DCDC2: variants seen among roughly 807,000 people sequenced by gnomAD.
The protein encoded by DCDC2 is doublecortin domain-containing protein 2.
In DCDC2, 40 loss-of-function variants were observed where a neutral mutation model predicts 50.2. The observed-to-expected ratio is 0.80, with a 90% CI of 0.62 to 1.04. The LOEUF (loss-of-function observed/expected upper bound fraction) is 1.04, where lower values mean the gene tolerates loss of function less well. DCDC2 is among the 50% of genes least tolerant of loss of function. DCDC2 has a pLI of 0.00. For missense variants in DCDC2, 570 were observed against 581.9 expected, an observed-to-expected ratio of 0.98 and a Z score of 0.21; for synonymous variants, 234 against 210.6, an observed-to-expected ratio of 1.11 and a Z score of -0.96.
intron 7 of DCDC2, among the ~76,000 whole-genome samples, chr6:24,228,097 TAGC>T (rs1397226686): frequency 6.6e-6 from 1 of 152,194 alleles, no homozygotes; most frequent in Non-Finnish European, 1.5e-5. Flanking sequence ...CAAACACACA[TAGC>T]AGCAGATGAG....
chr6:24,267,301 A>T (rs958109809), intron 7 of DCDC2, among the ~76,000 whole-genome samples: 1 of 152,188 alleles, frequency 6.6e-6, no homozygotes, highest in Non-Finnish European at 1.5e-5. Flanking sequence ...AAAAGGGTAT[A>T]ATTGGAGTGT....
chr6:24,357,899 C>T lies in DCDC2; in HGVS notation c.-149G>A. ...CCACAGGTGAAAGAGAAGTAACGGC[C>T]GTGCGCCTAGGCGTCCACCCAGAGG... On this transcript the variant is annotated 5_prime_UTR_variant, in exon 1 of 10. Coordinates refer to ENST00000378454, the MANE Select transcript of DCDC2 (RefSeq NM_016356.5). 1 of 1,539,524 alleles carries T rather than the reference C, an allele frequency of 6.5e-7. No homozygotes were observed. The highest frequency in any genetic ancestry group is 8.7e-7 in the Non-Finnish European group (1 of 1,143,402).
the DCDC2 span, among the ~76,000 whole-genome samples, chr6:24,380,103 T>C: frequency 6.6e-6 from 1 of 151,918 alleles, no homozygotes; most frequent in Non-Finnish European, 1.5e-5. Flanking sequence ...GATGGGTTGA[T>C]GGGTGCAGCA....
In DCDC2 at chr6:24,331,600, C is replaced by T. The variant is rs571322695; in HGVS notation, c.348+21969G>A. 6.3e-4 allele frequency among the ~76,000 whole-genome samples: 96 copies of T among 152,096 alleles called. No individual in the cohort carries two copies. The South Asian group carries it at 0.016, about 25-fold the overall frequency. The stretch of plus-strand genomic sequence containing the variant: ...TATATCTAAATAGATATTTGAATCT[C>T]GTCAGAAATATTTGGATATACTCAG... On this transcript the variant is annotated intron_variant, in intron 2 of 9. Transcript: ENST00000378454.
At position 24,329,100 on chromosome 6, in the gene DCDC2, C is replaced by T. The variant is rs190953876; in HGVS notation, c.348+24469G>A. Among the ~76,000 whole-genome samples, 506 of 152,170 alleles carry T rather than the reference C, an allele frequency of 3.3e-3. 2 individuals are homozygous for T. Among genetic ancestry groups the T allele is most frequent in the African/African-American group, 0.011 (476 of 41,520 alleles). On this transcript the variant is annotated intron_variant, in intron 2 of 9. Coordinates refer to ENST00000378454, the MANE Select transcript of DCDC2 (RefSeq NM_016356.5). The stretch of plus-strand genomic sequence containing the variant: ...CATGCCATCTCTCAATGATAAACAA[C>T]GCAAAACAGAAGCATTTAGGTAAAA...
intron 7 of DCDC2, among the ~76,000 whole-genome samples, chr6:24,242,775 A>G (rs1232325626): frequency 6.6e-6 from 1 of 152,160 alleles, no homozygotes; most frequent in East Asian, 1.9e-4. Flanking sequence ...CAGCCTGGCC[A>G]ACATAACAAA....
chr6:24,211,054 T>A (rs1483644159), intron 7 of DCDC2, among the ~76,000 whole-genome samples: 1 of 152,202 alleles, frequency 6.6e-6, no homozygotes, highest in East Asian at 1.9e-4. Context: ...TCATTCATAG[T>A]GCCCTGGTTT....
rs1031207741 is a variant in DCDC2, at chr6:24,172,825, T to G, written c.*1905A>C. 6.6e-6 allele frequency: 1 copy of G among 151,746 alleles called. No individual in the cohort carries two copies. The highest frequency in any genetic ancestry group is 1.5e-5 in the Non-Finnish European group (1 of 67,970). 9.4% of individuals were successfully genotyped at this position (151,746 alleles called of 1,614,324 possible). On this transcript the variant is annotated 3_prime_UTR_variant, in exon 10 of 10. Coordinates refer to ENST00000378454, the MANE Select transcript of DCDC2 (RefSeq NM_016356.5). ...CCTGGCCAACATGGTGAAACATCTG[T>G]CTCTACAAAAAATACAAAAATTAGC...
Position 24,219,880 on chromosome 6 carries a change from G to A in DCDC2, c.923-14778C>T, listed in dbSNP as rs150697386. Among the ~76,000 whole-genome samples, 66 of 152,330 alleles carry A rather than the reference G, an allele frequency of 4.3e-4. 1 individual carries two copies. Among genetic ancestry groups the A allele is most frequent in the Middle Eastern group, 3.4e-3 (1 of 294 alleles). On this transcript the variant is annotated intron_variant, in intron 7 of 9. Transcript: ENST00000378454. The stretch of plus-strand genomic sequence containing the variant: ...AACAAGGGGTGAAGGAGTACAGAGG[G>A]TGCTCACAGCCCCTAGAGGCCACAC...
At position 24,178,566 on chromosome 6, in the gene DCDC2, CT is replaced by C. The variant is rs762570866; in HGVS notation, c.1089del (p.Glu364LysfsTer6). 1.2e-6 allele frequency: 2 copies of C among 1,614,162 alleles called. No homozygotes were observed. The highest frequency in any genetic ancestry group is 1.7e-6 in the Non-Finnish European group (2 of 1,180,026). ...GEKANKDAEQ[K>X]EDFSGMNGDL... ...TCACCATTCATTCCTGAAAAGTCTT[CT>C]TTCTGTTCTGCATCCTTGTTTGCCT... On this transcript the variant is annotated frameshift_variant, in exon 9 of 10. Coordinates refer to ENST00000378454, the MANE Select transcript of DCDC2 (RefSeq NM_016356.5). LOFTEE classifies it high-confidence loss of function.
chr6:24,245,560 C>T (rs1027613679), intron 7 of DCDC2, among the ~76,000 whole-genome samples: 2 of 152,180 alleles, frequency 1.3e-5, no homozygotes, highest in African/African-American at 4.8e-5. Context: ...CCAGAAAGTT[C>T]CCATGGCCTC....
At chr6:24,208,916 T>C (rs1761789334) in intron 7 of DCDC2, among the ~76,000 whole-genome samples, 1 of 152,226 alleles carries the variant, frequency 6.6e-6, no homozygotes, top group African/African-American at 2.4e-5. Flanking sequence ...TCTGCAAGTA[T>C]TATTTGTAAT....
chr6:24,325,060 T>C (rs1759833755), intron 2 of DCDC2, among the ~76,000 whole-genome samples: 1 of 152,152 alleles, frequency 6.6e-6, no homozygotes, highest in South Asian at 2.1e-4. Context: ...TCAGCCTGCC[T>C]ACCACAGAGA....
chr6:24,289,710 T>C (rs950522568), intron 5 of DCDC2, among the ~76,000 whole-genome samples: 4 of 152,176 alleles, frequency 2.6e-5, no homozygotes, highest in African/African-American at 9.7e-5. Context: ...TCTTGCATAG[T>C]TCAAACACCA....
At chr6:24,256,399 T>C (rs1202299012) in intron 7 of DCDC2, among the ~76,000 whole-genome samples, 1 of 152,046 alleles carries the variant, frequency 6.6e-6, no homozygotes, top group Non-Finnish European at 1.5e-5. Context: ...AAAAAGCTCA[T>C]TTTTATGTTA....
At chr6:24,212,983 T>G (rs1296368722) in intron 7 of DCDC2, among the ~76,000 whole-genome samples, 1 of 152,330 alleles carries the variant, frequency 6.6e-6, no homozygotes, top group East Asian at 1.9e-4. Flanking sequence ...AAGCATTTCC[T>G]TGTTTCAATT....
chr6:24,298,332 G>T (rs1759302811), intron 4 of DCDC2, among the ~76,000 whole-genome samples: 1 of 152,206 alleles, frequency 6.6e-6, no homozygotes, highest in Non-Finnish European at 1.5e-5. Flanking sequence ...GGGGGTTGGG[G>T]AACCCTGGAG....
the DCDC2 span, among the ~76,000 whole-genome samples, chr6:24,366,330 A>C: frequency 6.6e-6 from 1 of 152,176 alleles, no homozygotes; most frequent in Non-Finnish European, 1.5e-5. Flanking sequence ...TTACAATTTT[A>C]TTTCTCTGAA....
the DCDC2 span, among the ~76,000 whole-genome samples, chr6:24,373,029 G>T: frequency 6.6e-6 from 1 of 152,092 alleles, no homozygotes; most frequent in Non-Finnish European, 1.5e-5. Context: ...AGAAATCAGA[G>T]AAATTCAAAC....
Sources: gnomAD v4.1 joint callset for allele counts (sites outside exome capture counted in the v4.1 genomes callset) on GRCh38, gnomAD v4.1.1 for gene constraint, MANE v1.5 for transcripts, NCBI Gene and HGNC (gene_info 2026-07-23, HGNC 2026-07-21) for gene names.